The following RASGRP3 variants were observed in gnomAD, a reference collection of about 807,000 sequenced individuals.
RASGRP3 encodes RAS guanyl releasing protein 3.
Under a neutral mutation model 82.7 loss-of-function variants are expected in RASGRP3, and 54 were observed. That is an observed-to-expected ratio of 0.65 (90% CI 0.52 to 0.82). The LOEUF is 0.82. Ranked by LOEUF, RASGRP3 falls within the 40% of genes least tolerant of loss-of-function variation. The pLI is 0.00. For synonymous variants in RASGRP3, 309 were observed against 300.5 expected (o/e 1.03, Z -0.29); for missense variants, 861 against 828.9 (o/e 1.04, Z -0.48).
intron 13 of RASGRP3, among the ~76,000 whole-genome samples, chr2:33,546,377 C>T (rs1266704945): frequency 1.3e-5 from 2 of 149,930 alleles, no homozygotes; most frequent in African/African-American, 4.9e-5. Context: ...GAGCCAAGAT[C>T]GCACCACTGC....
chr2:33,502,649 A>G (rs531548613), intron 1 of RASGRP3, among the ~76,000 whole-genome samples: 142 of 151,992 alleles, frequency 9.3e-4, no homozygotes, highest in African/African-American at 3.2e-3. Context: ...AGTAGCTGAG[A>G]CTACAGGCAC....
intron 1 of RASGRP3, among the ~76,000 whole-genome samples, chr2:33,494,742 A>T (rs556916895): frequency 6.6e-6 from 1 of 152,340 alleles, no homozygotes; most frequent in South Asian, 2.1e-4. Context: ...GGGCATTGGC[A>T]CCCAGTCCCA....
chr2:33,519,376 G>T (rs577252211), intron 4 of RASGRP3, among the ~76,000 whole-genome samples: 1 of 152,126 alleles, frequency 6.6e-6, no homozygotes, highest in Non-Finnish European at 1.5e-5. Context: ...CAGCACTTTG[G>T]GAGGCCGAGG....
intron 1 of RASGRP3, among the ~76,000 whole-genome samples, chr2:33,496,881 A>G (rs1165571262): frequency 6.6e-6 from 1 of 151,776 alleles, no homozygotes; most frequent in Non-Finnish European, 1.5e-5. Context: ...ACAAACCAAC[A>G]AAAAAAACAA....
intron 2 of RASGRP3, among the ~76,000 whole-genome samples, chr2:33,455,867 G>A (rs1666009129): frequency 6.6e-6 from 1 of 152,188 alleles, no homozygotes; most frequent in African/African-American, 2.4e-5. Flanking sequence ...GCAGCTAGGA[G>A]GTCCCAGAGG....
chr2:33,546,904 T>C (rs1038649302), intron 13 of RASGRP3, among the ~76,000 whole-genome samples: 1 of 151,696 alleles, frequency 6.6e-6, no homozygotes, highest in African/African-American at 2.4e-5. Context: ...CCATCTCTAC[T>C]GAAAATACAA....
At chr2:33,549,806 G>GA (rs1393820747) in intron 14 of RASGRP3, 55 bp downstream of exon 14, 1 of 1,529,372 alleles carries the variant, frequency 6.5e-7, no homozygotes, top group East Asian at 2.3e-5. Context: ...GTGGCATTCT[G>GA]AAAAAGTAGG....
intron 1 of RASGRP3, among the ~76,000 whole-genome samples, chr2:33,499,590 T>C (rs1669664326): frequency 6.6e-6 from 1 of 152,070 alleles, no homozygotes; most frequent in Non-Finnish European, 1.5e-5. Flanking sequence ...CAGTTTTTGG[T>C]ATCTCAATGC....
chr2:33,493,973 C>A (rs1291008569), intron 1 of RASGRP3, among the ~76,000 whole-genome samples: 4 of 152,084 alleles, frequency 2.6e-5, no homozygotes, highest in Admixed American at 2.6e-4. Flanking sequence ...AGTTCAAAAT[C>A]AGCCTACTGC....
intron 17 of RASGRP3, chr2:33,559,513 C>G (rs893084275): frequency 6.8e-6 from 3 of 440,448 alleles, no homozygotes; most frequent in South Asian, 1.7e-5. Context: ...ATCAGAGATA[C>G]GAGGCCCTTG....
intron 1 of RASGRP3, among the ~76,000 whole-genome samples, chr2:33,505,976 C>T (rs1670337977): frequency 6.6e-6 from 1 of 152,168 alleles, no homozygotes; most frequent in Admixed American, 6.5e-5. Flanking sequence ...TGTCAGGTAG[C>T]TGTAAATATG....
Position 33,461,506 on chromosome 2 carries a change from A to G in RASGRP3, c.-261+13563A>G, listed in dbSNP as rs1329392869. Among the ~76,000 whole-genome samples the G allele has an allele frequency of 3.2e-4, 48 of 152,310 alleles. 2 individuals carry two copies. The highest frequency in any genetic ancestry group is 3.1e-3 in the Admixed American group (48 of 15,306). ...TTGGCCAGGCTGGTCTTGAACTCCC[A>G]AGCTCAAGTGATCCACCTGCCTTGG... On this transcript the variant is annotated intron_variant, in intron 2 of 18. Coordinates refer to the RASGRP3 transcript ENST00000402538.
At chr2:33,523,478 G>A (rs1235287642) in intron 7 of RASGRP3, among the ~76,000 whole-genome samples, 2 of 147,020 alleles carry the variant, frequency 1.4e-5, no homozygotes, top group African/African-American at 2.5e-5. Flanking sequence ...AAAAAAAAAA[G>A]GAGATTCTTA....
intron 2 of RASGRP3, among the ~76,000 whole-genome samples, chr2:33,461,319 C>T (rs911654612): frequency 1.2e-4 from 18 of 152,224 alleles, no homozygotes; most frequent in Admixed American, 3.3e-4. Context: ...TTCTCTGTCA[C>T]CTAGGCTGGA....
intron 1 of RASGRP3, among the ~76,000 whole-genome samples, chr2:33,508,902 A>C (rs1558461600): frequency 6.6e-6 from 1 of 152,252 alleles, no homozygotes; most frequent in East Asian, 1.9e-4. Context: ...TGTTTGTGGC[A>C]AATCTCCCCT....
chr2:33,522,945 T>G (rs549616066), intron 7 of RASGRP3, among the ~76,000 whole-genome samples: 23 of 152,234 alleles, frequency 1.5e-4, no homozygotes, highest in Non-Finnish European at 2.6e-4. Flanking sequence ...GTTTATATGA[T>G]AGAAAGCTCT....
At position 33,505,030 on chromosome 2, in the gene RASGRP3, G is replaced by A. The variant is rs1456001153; in HGVS notation, c.-260-6680G>A. On this transcript the variant is annotated intron_variant, in intron 1 of 17. Coordinates refer to ENST00000403687, the MANE Select transcript of RASGRP3 (RefSeq NM_001139488.2). ...TTTTAGTTATTGCTGGATTGTTTGGGAGGAGCCTGGCCTCCCAGAGTTTGT... is the reference window on the plus strand; with the variant it reads ...TTTTAGTTATTGCTGGATTGTTTGGAAGGAGCCTGGCCTCCCAGAGTTTGT... 2.0e-5 allele frequency among the ~76,000 whole-genome samples: 3 copies of A among 152,066 alleles called. No individual in the cohort carries two copies. The East Asian group carries it at 5.8e-4, about 29-fold the overall frequency.
chr2:33,554,551 C>T (rs1419231770), intron 14 of RASGRP3, among the ~76,000 whole-genome samples: 1 of 152,028 alleles, frequency 6.6e-6, no homozygotes, highest in Non-Finnish European at 1.5e-5. Context: ...CAGCTCACTG[C>T]AAGCTCCGCC....
At chr2:33,542,370 C>T (rs59230304) in intron 12 of RASGRP3, among the ~76,000 whole-genome samples, 3,753 of 146,054 alleles carry the variant, frequency 0.026, 265 homozygotes, top group African/African-American at 0.087. Context: ...GGGCATGTTC[C>T]CCCTCATTAC....
Sources: allele counts gnomAD v4.1 joint callset (sites outside exome capture counted in the v4.1 genomes callset), GRCh38; gene constraint gnomAD v4.1.1; transcripts MANE v1.5; gene names NCBI Gene and HGNC (gene_info 2026-07-23, HGNC 2026-07-21).